PCDHGA1: variants seen among roughly 807,000 people sequenced by gnomAD.
PCDHGA1 encodes the protein protocadherin gamma subfamily A, 1.
A neutral mutation model predicts 58.0 loss-of-function variants in PCDHGA1; 32 were observed. The observed-to-expected ratio is 0.55, with a 90% CI of 0.42 to 0.74. The LOEUF is 0.74. PCDHGA1 is among the 30% of genes least tolerant of loss of function. PCDHGA1 has a pLI of 0.00. For synonymous variants in PCDHGA1, 498 were observed against 501.1 expected (o/e 0.99, Z 0.08); for missense variants, 1,205 against 1,182.3 (o/e 1.02, Z -0.28).
At chr5:141,497,129 T>G (rs528066007) in intron 2 of PCDHGA1, among the ~76,000 whole-genome samples, 1 of 151,692 alleles carries the variant, frequency 6.6e-6, no homozygotes, top group Admixed American at 6.6e-5. Flanking sequence ...GAGGTTGCAG[T>G]GAGCTGAGAT....
At chr5:141,492,601 C>T (rs1374321466) in intron 1 of PCDHGA1, among the ~76,000 whole-genome samples, 2 of 152,220 alleles carry the variant, frequency 1.3e-5, no homozygotes, top group East Asian at 3.9e-4. Context: ...GGAGCGACTG[C>T]CGCTCTAAGT....
At chr5:141,345,691 T>C in intron 1 of PCDHGA1, 1 of 1,614,232 alleles carries the variant, frequency 6.2e-7, no homozygotes, top group East Asian at 2.2e-5. Context: ...CTGTTCGTGC[T>C]GGACCAGAAC....
intron 1 of PCDHGA1, chr5:141,350,533 G>A: frequency 6.2e-7 from 1 of 1,614,072 alleles, no homozygotes; most frequent in Non-Finnish European, 8.5e-7. Context: ...ATCGAGAGAA[G>A]ATTTGCGGAA....
chr5:141,408,184 G>A, intron 1 of PCDHGA1: 1 of 1,541,100 alleles, frequency 6.5e-7, no homozygotes, highest in Non-Finnish European at 8.8e-7. Flanking sequence ...CGGGGACCCA[G>A]CGAGAACCCG....
intron 1 of PCDHGA1, among the ~76,000 whole-genome samples, chr5:141,466,909 ACTC>A (rs1249720055): frequency 6.6e-6 from 1 of 151,110 alleles, no homozygotes; most frequent in Non-Finnish European, 1.5e-5. Flanking sequence ...GTTTTTGAAA[ACTC>A]CTTGTATTAG....
At chr5:141,352,435 C>G (rs986564447) in intron 1 of PCDHGA1, 1 of 1,614,044 alleles carries the variant, frequency 6.2e-7, no homozygotes, top group South Asian at 1.1e-5. Context: ...GCTTTCAAAC[C>G]GGTCTCTGCT....
intron 2 of PCDHGA1, among the ~76,000 whole-genome samples, chr5:141,496,888 TAA>T (rs35063790): frequency 6.7e-5 from 9 of 134,018 alleles, no homozygotes; most frequent in Non-Finnish European, 4.9e-5. Flanking sequence ...AAGTAACACT[TAA>T]AAAAAAAAAA....
rs1481151067 is a variant in PCDHGA1, at chr5:141,477,223, T to A, written c.2422-17584T>A. On this transcript the variant is annotated intron_variant, in intron 1 of 3. Transcript: ENST00000517417. This position sits in a 1 kb window ranked among gnomAD's most constrained non-coding sequence, Gnocchi z 4.9. ...TACCCGAGGATGCCCCTCTGGGGAC[T>A]GTCATCGCTTTGCTCAGTGTGACTG... The A allele has an allele frequency of 6.2e-7, 1 of 1,614,198 alleles. No individual in the cohort carries two copies. The highest frequency in any genetic ancestry group is 1.1e-5 in the South Asian group (1 of 91,084).
At chr5:141,357,232 C>A (rs753504558) in intron 1 of PCDHGA1, 1 of 1,613,846 alleles carries the variant, frequency 6.2e-7, no homozygotes, top group East Asian at 2.2e-5. Context: ...CTTGGGCAGC[C>A]TCAAGCCTTC....
intron 1 of PCDHGA1, chr5:141,356,208 A>G (rs770917975): frequency 1.2e-6 from 2 of 1,605,788 alleles, no homozygotes; most frequent in Admixed American, 1.7e-5. Context: ...TACTGGTGAC[A>G]GTTCTGGATG....
chr5:141,489,042 A>T lies in PCDHGA1; in HGVS notation c.2422-5765A>T. On this transcript the variant is annotated intron_variant, in intron 1 of 3. Coordinates refer to ENST00000517417, the MANE Select transcript of PCDHGA1 (RefSeq NM_018912.3). This position sits in a 1 kb window ranked among gnomAD's most constrained non-coding sequence, Gnocchi z 4.5. ...TCTCCTCCTCCAGCTCCCCAGCTCCACTCAAATTCAGCTCCCCTCCCCCCT... is the reference window on the plus strand; with the variant it reads ...TCTCCTCCTCCAGCTCCCCAGCTCCTCTCAAATTCAGCTCCCCTCCCCCCT... The T allele has an allele frequency of 4.2e-6, 2 of 473,800 alleles. No individual in the cohort carries two copies. The highest frequency in any genetic ancestry group is 3.7e-6 in the Non-Finnish European group (1 of 270,920). 29.3% of individuals were successfully genotyped at this position (473,800 alleles called of 1,614,324 possible).
intron 1 of PCDHGA1, among the ~76,000 whole-genome samples, chr5:141,464,132 G>A (rs1432411937): frequency 6.6e-6 from 1 of 152,076 alleles, no homozygotes; most frequent in Non-Finnish European, 1.5e-5. Flanking sequence ...GGGTGTGGTG[G>A]TGGGCGCCTG....
chr5:141,377,157 T>C (rs1773738723), intron 1 of PCDHGA1: 1 of 152,278 alleles, frequency 6.6e-6, no homozygotes, highest in South Asian at 2.1e-4. Context: ...GTCCTAGTTT[T>C]TCTTTACCTT....
chr5:141,455,466 A>G (rs1253494886), intron 1 of PCDHGA1, among the ~76,000 whole-genome samples: 1 of 152,164 alleles, frequency 6.6e-6, no homozygotes, highest in East Asian at 1.9e-4. Flanking sequence ...AGCCAGGTAT[A>G]TATGCAGAGG....
intron 1 of PCDHGA1, among the ~76,000 whole-genome samples, chr5:141,437,360 G>T (rs1432098876): frequency 6.6e-6 from 1 of 152,144 alleles, no homozygotes; most frequent in Non-Finnish European, 1.5e-5. Context: ...ACCTAAAATT[G>T]GAATGTAATC....
chr5:141,399,672 C>T (rs1322373656), intron 1 of PCDHGA1: 1 of 1,613,510 alleles, frequency 6.2e-7, no homozygotes, highest in Admixed American at 1.7e-5. Context: ...CGCAGCGCGC[C>T]TTTGACTACG....
At chr5:141,350,954 G>A (rs755992665) in intron 1 of PCDHGA1, 4 of 1,614,094 alleles carry the variant, frequency 2.5e-6, no homozygotes, top group Non-Finnish European at 3.4e-6. Flanking sequence ...AGTTACGGAT[G>A]CCAATGATAA....
chr5:141,470,986 G>T (rs1215610104), intron 1 of PCDHGA1, among the ~76,000 whole-genome samples: 1 of 151,540 alleles, frequency 6.6e-6, no homozygotes, highest in Non-Finnish European at 1.5e-5. Flanking sequence ...CAAAGTGCTG[G>T]GACTACAGGC....
In PCDHGA1 at chr5:141,394,482, G is replaced by T. The variant is rs751618237; in HGVS notation, c.2421+61377G>T. On this transcript the variant is annotated intron_variant, in intron 1 of 3. Coordinates refer to ENST00000517417, the MANE Select transcript of PCDHGA1 (RefSeq NM_018912.3). ...GAGCCTGTTCGTGCTGGACCAGAAT[G>T]ACAACGCGCCCGAGATCCTGTACCC... 8 of 1,614,122 alleles carry T rather than the reference G, an allele frequency of 5.0e-6. No homozygotes were observed. The African/African-American group carries it at 1.1e-4, about 22-fold the overall frequency.
Sources: gnomAD v4.1 joint callset for allele counts (sites outside exome capture counted in the v4.1 genomes callset) on GRCh38, gnomAD v4.1.1 for gene constraint, Gnocchi (gnomAD v3.1) non-coding constraint, MANE v1.5 for transcripts, NCBI Gene and HGNC (gene_info 2026-07-23, HGNC 2026-07-21) for gene names.